LNX2: variants seen among roughly 807,000 people sequenced by gnomAD.
LNX2 encodes ligand of numb-protein X 2, also known as ligand of Numb protein X 2.
A neutral mutation model predicts 66.2 loss-of-function variants in LNX2; 35 were observed. The ratio of observed to expected loss-of-function variants is 0.53; its 90% CI spans 0.40 to 0.70. The LOEUF (loss-of-function observed/expected upper bound fraction) is 0.70, where lower values mean the gene tolerates loss of function less well. LNX2 is among the 30% of genes least tolerant of loss of function. The probability of loss-of-function intolerance (pLI) is 0.00; values close to 1 mark genes in which losing one functional copy is unlikely to be tolerated. For synonymous variants in LNX2, 337 were observed against 315.6 expected (o/e 1.07, Z -0.72); for missense variants, 791 against 850.8 (o/e 0.93, Z 0.87).
At chr13:27,583,931 A>C (rs189944168) in intron 1 of LNX2, among the ~76,000 whole-genome samples, 1 of 152,342 alleles carries the variant, frequency 6.6e-6, no homozygotes, top group East Asian at 1.9e-4. Flanking sequence ...GGAAAAAAAA[A>C]CATGGGACTG....
chr13:27,595,672 T>C (rs530888550), intron 1 of LNX2, among the ~76,000 whole-genome samples: 1 of 152,320 alleles, frequency 6.6e-6, no homozygotes, highest in African/African-American at 2.4e-5. Context: ...TGTCTCTATG[T>C]CCACCTGTAA....
chr13:27,581,690 C>T lies in LNX2; in HGVS notation c.14G>A (p.Ser5Asn). 4 of 1,599,666 alleles carry T rather than the reference C, an allele frequency of 2.5e-6. No homozygotes were observed. Among genetic ancestry groups the T allele is most frequent in the Non-Finnish European group, 3.4e-6 (4 of 1,173,154 alleles). Residue 5 changes from serine to asparagine, a missense_variant, in exon 2 of 10, where the codon AGT (serine) becomes AAT (asparagine). By Grantham distance (46) the Ser-to-Asn change is conservative. Transcript: ENST00000316334. MGTT[S>N]DEMVSVEQTS... The stretch of plus-strand genomic sequence containing the variant: ...CTGTTCCACAGACACCATCTCATCA[C>T]TTGTTGTTCCCATTTTGAATCAATT...
At chr13:27,573,569 T>C (rs1333976976) in intron 2 of LNX2, among the ~76,000 whole-genome samples, 1 of 152,084 alleles carries the variant, frequency 6.6e-6, no homozygotes, top group East Asian at 1.9e-4. Context: ...TTCAGCTATG[T>C]TCAGGGCTGT....
intron 1 of LNX2, among the ~76,000 whole-genome samples, chr13:27,587,747 C>T (rs138580682): frequency 2.4e-3 from 359 of 151,770 alleles, no homozygotes; most frequent in African/African-American, 8.0e-3. Context: ...TGTCGCCAGG[C>T]GCGGTGGCTC....
rs541955386 is a variant in LNX2 at position 27,609,958 on chromosome 13, T to C, written c.-101+10417A>G. ...AGAATTATGTCTATTTTTAGCAAAA[T>C]CTAAAATTAGTCTATTGAAGTATCA... On this transcript the variant is annotated intron_variant, in intron 1 of 9. Coordinates refer to ENST00000316334, the MANE Select transcript of LNX2 (RefSeq NM_153371.4). 6.6e-5 allele frequency among the ~76,000 whole-genome samples: 10 copies of C among 152,336 alleles called. No individual in the cohort carries two copies. The East Asian group carries it at 1.9e-3, about 29-fold the overall frequency.
chr13:27,580,560 A>G (rs1161405489), intron 2 of LNX2, among the ~76,000 whole-genome samples: 1 of 152,160 alleles, frequency 6.6e-6, no homozygotes, highest in Admixed American at 6.5e-5. Context: ...GTTAAAGATC[A>G]AGTCTTTTAG....
intron 1 of LNX2, among the ~76,000 whole-genome samples, chr13:27,608,141 G>A (rs1955737545): frequency 6.6e-6 from 1 of 152,202 alleles, no homozygotes; most frequent in African/African-American, 2.4e-5. Flanking sequence ...GGGAAAAGAA[G>A]ACATATATGT....
At chr13:27,614,377 C>T (rs997208640) in intron 1 of LNX2, among the ~76,000 whole-genome samples, 2 of 152,190 alleles carry the variant, frequency 1.3e-5, no homozygotes, top group Admixed American at 1.3e-4. Context: ...CCACTGACCA[C>T]TCCTGTGGCC....
intron 1 of LNX2, among the ~76,000 whole-genome samples, chr13:27,604,232 C>T (rs987731831): frequency 1.3e-5 from 2 of 152,170 alleles, no homozygotes; most frequent in Admixed American, 6.5e-5. Context: ...GGCGACAGAG[C>T]GAGACTCCGT....
At position 27,553,252 on chromosome 13, in the gene LNX2, A is replaced by G. The variant is rs1566114523; in HGVS notation, c.1734T>C (p.Asp578=). 6.2e-7 allele frequency: 1 copy of G among 1,614,178 alleles called. No individual in the cohort carries two copies. The highest frequency in any genetic ancestry group is 2.2e-5 in the East Asian group (1 of 44,868). ...QPSTFSENEY[D]ASWSPSWVMW... ...TGACCCATGATGGGGACCAACTGGC[A>G]TCATACTCATTTTCGCTGAAAGTAC... The change falls in exon 8 of 10, where the codon GAT becomes GAC. Residue 578 remains aspartate, a synonymous_variant. Coordinates refer to ENST00000316334, the MANE Select transcript of LNX2 (RefSeq NM_153371.4).
intron 1 of LNX2, among the ~76,000 whole-genome samples, chr13:27,613,775 T>TAAAAATAA (rs2138486382): frequency 6.6e-6 from 1 of 151,834 alleles, no homozygotes; most frequent in Non-Finnish European, 1.5e-5. Flanking sequence ...CTCAAAAAAA[T>TAAAAATAA]AAAAATAAAA....
chr13:27,596,268 C>T (rs1220795764), intron 1 of LNX2, among the ~76,000 whole-genome samples: 1 of 152,128 alleles, frequency 6.6e-6, no homozygotes, highest in Admixed American at 6.5e-5. Flanking sequence ...TTGTCATTTA[C>T]TACCATAAAA....
intron 1 of LNX2, among the ~76,000 whole-genome samples, chr13:27,594,934 G>T (rs998178224): frequency 2.8e-4 from 43 of 152,036 alleles, no homozygotes; most frequent in Admixed American, 1.6e-3. Context: ...CCTACCTTCC[G>T]TCACAACACT....
At chr13:27,561,293 C>G (rs1955132471) in intron 5 of LNX2, among the ~76,000 whole-genome samples, 1 of 152,100 alleles carries the variant, frequency 6.6e-6, no homozygotes, top group African/African-American at 2.4e-5. Context: ...TATTTTCTAT[C>G]TTATTGATCT....
At chr13:27,603,346 T>G (rs1007158330) in intron 1 of LNX2, among the ~76,000 whole-genome samples, 2 of 152,214 alleles carry the variant, frequency 1.3e-5, no homozygotes, top group Non-Finnish European at 2.9e-5. Flanking sequence ...AATTAAGTTC[T>G]GGGGGGACCA....
intron 1 of LNX2, among the ~76,000 whole-genome samples, chr13:27,589,521 A>G (rs1955526211): frequency 6.6e-6 from 1 of 152,198 alleles, no homozygotes; most frequent in South Asian, 2.1e-4. Context: ...AATATTCTAT[A>G]TAAGGGAGGT....
At chr13:27,557,384 A>G (rs1355454285) in intron 6 of LNX2, among the ~76,000 whole-genome samples, 1 of 152,062 alleles carries the variant, frequency 6.6e-6, no homozygotes, top group East Asian at 1.9e-4. Flanking sequence ...AAAAGAATGT[A>G]CTATATATTA....
chr13:27,615,671 A>G (rs768569621), intron 1 of LNX2, among the ~76,000 whole-genome samples: 6 of 152,200 alleles, frequency 3.9e-5, no homozygotes, highest in Non-Finnish European at 7.3e-5. Context: ...CGCTTTGCAG[A>G]TTCCAAGGAA....
At position 27,546,680 on chromosome 13, in the gene LNX2, T is replaced by C. The variant is rs1954943022; in HGVS notation, c.*1655A>G. 1 of 152,224 alleles carries C rather than the reference T, an allele frequency of 6.6e-6. No homozygotes were observed. The highest frequency in any genetic ancestry group is 2.4e-5 in the African/African-American group (1 of 41,466). The allele number at this position is 152,224 out of a possible 1,614,324, so 9.4% of individuals were successfully genotyped here. On this transcript the variant is annotated 3_prime_UTR_variant, in exon 10 of 10. Coordinates refer to ENST00000316334, the MANE Select transcript of LNX2 (RefSeq NM_153371.4). ...AAAATAAAGTGGTCATGCTTCATAA[T>C]ATATTGTACTGTAGTATTCTGAAAT...
Sources: gnomAD v4.1 joint callset for allele counts (sites outside exome capture counted in the v4.1 genomes callset) on GRCh38, gnomAD v4.1.1 for gene constraint, MANE v1.5 for transcripts, NCBI Gene and HGNC (gene_info 2026-07-23, HGNC 2026-07-21) for gene names.